The following CPED1 variants were observed in gnomAD, a reference collection of about 807,000 sequenced individuals.
CPED1 encodes cadherin like and PC-esterase domain containing 1, also known as cadherin-like and PC-esterase domain-containing protein 1.
Under a neutral mutation model 128.2 loss-of-function variants are expected in CPED1, and 114 were observed. The ratio of observed to expected loss-of-function variants is 0.89; its 90% confidence interval spans 0.76 to 1.04. The LOEUF (loss-of-function observed/expected upper bound fraction) is 1.04, where lower values mean the gene tolerates loss of function less well. Ranked by LOEUF, CPED1 falls within the 50% of genes least tolerant of loss-of-function variation. The pLI, the probability that CPED1 is intolerant of heterozygous loss-of-function variation, is 0.00. For missense variants in CPED1, 1,211 were observed against 1,207.1 expected (o/e 1.00, Z -0.05); for synonymous variants, 462 against 426.7 (o/e 1.08, Z -1.02).
chr7:121,281,744 T>G (rs1425123783), intron 22 of CPED1, among the ~76,000 whole-genome samples: 1 of 152,174 alleles, frequency 6.6e-6, no homozygotes, highest in Non-Finnish European at 1.5e-5. Flanking sequence ...TATTTGTCTT[T>G]GAAACACTGT....
At position 121,128,440 on chromosome 7, in the gene CPED1, T is replaced by C. The variant is rs1411359543; in HGVS notation, c.1361T>C (p.Ile454Thr). ...CTGTCCTTAGAAGAAATTAACTCAA[T>C]TATGACTTTCATAAAGGAACTTGGA... ...QCLSLEEINS[I>T]MTFIKELGSL... is the part of the protein sequence containing the mutation. Residue 454 changes from isoleucine (I) to threonine (T), a missense_variant, in exon 11 of 23, where the codon ATT becomes ACT. Coordinates refer to ENST00000310396, the MANE Select transcript of CPED1 (RefSeq NM_024913.5). The C allele has an allele frequency of 6.2e-7, 1 of 1,604,744 alleles. No homozygotes were observed. Among genetic ancestry groups the C allele is most frequent in the South Asian group, 1.1e-5 (1 of 90,880 alleles).
chr7:121,000,525 G>A (rs1254456411), intron 2 of CPED1, among the ~76,000 whole-genome samples: 1 of 152,076 alleles, frequency 6.6e-6, no homozygotes, highest in African/African-American at 2.4e-5. Context: ...AGAACACATG[G>A]ATTTGGCAGT....
intron 4 of CPED1, among the ~76,000 whole-genome samples, chr7:121,059,253 C>T (rs763761843): frequency 2.0e-5 from 3 of 152,088 alleles, no homozygotes; most frequent in East Asian, 1.9e-4. Context: ...TGAGAACTAC[C>T]AAATGGCTCT....
chr7:121,115,716 G>T (rs914803091), intron 7 of CPED1, among the ~76,000 whole-genome samples: 1 of 152,084 alleles, frequency 6.6e-6, no homozygotes, highest in Admixed American at 6.5e-5. Context: ...TCTAGTCAAG[G>T]TAATTAATAA....
At chr7:120,995,311 T>TCAG (rs1562985204) in intron 2 of CPED1, among the ~76,000 whole-genome samples, 1 of 152,222 alleles carries the variant, frequency 6.6e-6, no homozygotes, top group Non-Finnish European at 1.5e-5. Flanking sequence ...TGAGGCATGT[T>TCAG]CTGCTATTGG....
chr7:121,297,070 A>G lies in CPED1; in HGVS notation c.*1418A>G, dbSNP rs1321540989. 1 of 152,094 alleles carries G rather than the reference A, an allele frequency of 6.6e-6. No individual in the cohort carries two copies. Among genetic ancestry groups the G allele is most frequent in the African/African-American group, 2.4e-5 (1 of 41,466 alleles). The allele number at this position is 152,094 out of a possible 1,614,324, so 9.4% of individuals were successfully genotyped here. ...ACTGTCTTAAATTATATTTACATAA[A>G]TGCAAATATCACTTGATATAAACAA... is the stretch of plus-strand genomic sequence containing the variant. On this transcript the variant is annotated 3_prime_UTR_variant, in exon 23 of 23. Coordinates refer to ENST00000310396, the MANE Select transcript of CPED1 (RefSeq NM_024913.5).
chr7:121,218,151 A>ATTTTTTTT (rs34168785), intron 16 of CPED1, among the ~76,000 whole-genome samples: 1 of 141,732 alleles, frequency 7.1e-6, no homozygotes. Flanking sequence ...TGCCTGGCTA[A>ATTTTTTTT]TTTTTTTTTT....
At position 121,083,724 on chromosome 7, in the gene CPED1, C is replaced by T. The variant is rs1056447535; in HGVS notation, c.617-13975C>T. On this transcript the variant is annotated intron_variant, in intron 5 of 22. Transcript: ENST00000310396. ...CAAGTTGTACCTTCTTTGTGCTTCG[C>T]TTTTCTTCCATCTAAGTACTGACCA... 1.8e-4 allele frequency: 28 copies of T among 152,396 alleles called. 1 individual carries two copies. Among genetic ancestry groups the T allele is most frequent in the African/African-American group, 6.7e-4 (28 of 41,566 alleles). The allele number at this position is 152,396 out of a possible 1,614,324, so 9.4% of individuals were successfully genotyped here.
chr7:121,157,725 C>A (rs758130086), intron 16 of CPED1, among the ~76,000 whole-genome samples: 5 of 152,040 alleles, frequency 3.3e-5, no homozygotes, highest in Non-Finnish European at 7.4e-5. Context: ...GGTATCAGAC[C>A]CGCTGGCAGT....
At chr7:121,189,699 A>G (rs1335091809) in intron 16 of CPED1, among the ~76,000 whole-genome samples, 2 of 146,834 alleles carry the variant, frequency 1.4e-5, no homozygotes, top group Non-Finnish European at 1.5e-5. Context: ...AGTCACCACA[A>G]TTTTTGGAAA....
chr7:121,137,361 G>C (rs1391131635), intron 14 of CPED1, among the ~76,000 whole-genome samples: 1 of 151,914 alleles, frequency 6.6e-6, no homozygotes, highest in African/African-American at 2.4e-5. Context: ...TGTATAGAAA[G>C]GAGGTCTTGC....
At chr7:121,232,056 G>A (rs1338408302) in intron 16 of CPED1, among the ~76,000 whole-genome samples, 1 of 152,100 alleles carries the variant, frequency 6.6e-6, no homozygotes, top group East Asian at 1.9e-4. Context: ...ATGAGCCACA[G>A]TAGAGGGTAA....
intron 5 of CPED1, among the ~76,000 whole-genome samples, chr7:121,071,033 TC>T (rs1358842122): frequency 6.6e-6 from 1 of 152,104 alleles, no homozygotes; most frequent in Admixed American, 6.6e-5. Flanking sequence ...ATAACAAATT[TC>T]CTAATAAATT....
At chr7:121,201,152 T>C (rs1029850088) in intron 16 of CPED1, among the ~76,000 whole-genome samples, 4 of 152,030 alleles carry the variant, frequency 2.6e-5, no homozygotes, top group Non-Finnish European at 5.9e-5. Context: ...AACCAGAGCT[T>C]AGGGAACAAA....
intron 4 of CPED1, among the ~76,000 whole-genome samples, chr7:121,053,326 T>C (rs28860180): frequency 0.032 from 4,932 of 152,252 alleles, 271 homozygotes; most frequent in African/African-American, 0.11. Flanking sequence ...TTTTTTTTTC[T>C]TTCAAGACCT....
At chr7:121,287,260 CACACAG>C (rs762108872) in intron 22 of CPED1, among the ~76,000 whole-genome samples, 48 of 151,992 alleles carry the variant, frequency 3.2e-4, no homozygotes, top group African/African-American at 4.6e-4. Context: ...AACCTCCTGC[CACACAG>C]ACACAGACAC....
chr7:121,127,539 C>CTTTTT (rs67688816), intron 10 of CPED1, among the ~76,000 whole-genome samples: 1 of 134,884 alleles, frequency 7.4e-6, no homozygotes, highest in African/African-American at 2.7e-5. Flanking sequence ...CTTTTTCTTT[C>CTTTTT]TTTTTTTTTT....
At chr7:121,257,970 A>G (rs1401939696) in intron 18 of CPED1, among the ~76,000 whole-genome samples, 1 of 152,080 alleles carries the variant, frequency 6.6e-6, no homozygotes, top group East Asian at 1.9e-4. Flanking sequence ...GCAACATTAT[A>G]CAGAAATTTC....
chr7:121,010,493 C>T (rs578088742), intron 2 of CPED1, among the ~76,000 whole-genome samples: 6 of 152,308 alleles, frequency 3.9e-5, no homozygotes, highest in African/African-American at 9.6e-5. Flanking sequence ...AAGTGATCCT[C>T]CTATTTTAGC....
Sources: gnomAD v4.1 joint callset for allele counts (sites outside exome capture counted in the v4.1 genomes callset) on GRCh38, gnomAD v4.1.1 for gene constraint, MANE v1.5 for transcripts, NCBI Gene and HGNC (gene_info 2026-07-23, HGNC 2026-07-21) for gene names.